The following ZCCHC14 variants were observed in gnomAD, a reference collection of about 807,000 sequenced individuals.
ZCCHC14 encodes zinc finger CCHC domain-containing protein 14.
Under a neutral mutation model 85.0 loss-of-function variants are expected in ZCCHC14, and 16 were observed. The ratio of observed to expected loss-of-function variants is 0.19; its 90% CI spans 0.13 to 0.29. ZCCHC14 has a LOEUF of 0.29. ZCCHC14 is among the 10% of genes least tolerant of loss of function. ZCCHC14 has a pLI of 1.00. For synonymous variants in ZCCHC14, 775 were observed against 630.7 expected (o/e 1.23, Z -3.43); for missense variants, 1,303 against 1,443.5 (o/e 0.90, Z 1.58).
At chr16:87,436,823 A>C (rs1356080229) in intron 2 of ZCCHC14, among the ~76,000 whole-genome samples, 2 of 152,260 alleles carry the variant, frequency 1.3e-5, no homozygotes, top group African/African-American at 2.4e-5. Context: ...GAAAACACTA[A>C]AACTAAACGA....
chr16:87,474,172 C>G (rs548052340), intron 1 of ZCCHC14: 1 of 152,532 alleles, frequency 6.6e-6, no homozygotes, highest in South Asian at 2.1e-4. Flanking sequence ...GAAGCCTAGC[C>G]CAGGCCTGCT....
At chr16:87,436,332 G>T (rs889683146) in intron 2 of ZCCHC14, among the ~76,000 whole-genome samples, 6 of 152,252 alleles carry the variant, frequency 3.9e-5, no homozygotes, top group Non-Finnish European at 7.3e-5. Flanking sequence ...CCCCCGCCAG[G>T]GCACCTCCGG....
At chr16:87,431,129 C>T (rs1439229243) in intron 3 of ZCCHC14, among the ~76,000 whole-genome samples, 1 of 147,174 alleles carries the variant, frequency 6.8e-6, no homozygotes, top group Non-Finnish European at 1.5e-5. Flanking sequence ...CAGAGCAAGA[C>T]AGTGTCAAAA....
intron 2 of ZCCHC14, among the ~76,000 whole-genome samples, chr16:87,447,186 G>T (rs577037889): frequency 2.1e-4 from 32 of 151,946 alleles, no homozygotes; most frequent in Admixed American, 1.2e-3. Context: ...AAAGATGGCG[G>T]AAGAAACAGA....
In ZCCHC14 at chr16:87,423,698, G is replaced by A. The variant is rs974800369; in HGVS notation, c.840+112C>T. The A allele has an allele frequency of 2.0e-5, 24 of 1,230,036 alleles. No homozygotes were observed. The Admixed American group carries it at 2.0e-4, about 10-fold the overall frequency. The allele number at this position is 1,230,036 out of a possible 1,614,324, so 76.2% of individuals were successfully genotyped here. On this transcript the variant is annotated intron_variant, in intron 4 of 12. Coordinates refer to ENST00000671377, the MANE Select transcript of ZCCHC14 (RefSeq NM_015144.3). ...GGCTGGGCAGGAGGCCCCGCCCTGC[G>A]CACGCTCACTCGCTAGCTGAAGGGA...
intron 3 of ZCCHC14, among the ~76,000 whole-genome samples, chr16:87,431,525 G>A (rs370533321): frequency 1.3e-5 from 2 of 151,614 alleles, no homozygotes; most frequent in Admixed American, 6.6e-5. Context: ...CAAAGCTATG[G>A]CCGGTCAGGT....
intron 2 of ZCCHC14, among the ~76,000 whole-genome samples, chr16:87,449,420 G>C (rs79178356): frequency 5.9e-5 from 9 of 151,966 alleles, no homozygotes; most frequent in Non-Finnish European, 1.0e-4. Context: ...TGGGCTCCTA[G>C]GCCCTCCATC....
chr16:87,441,181 A>G (rs1036283867), intron 2 of ZCCHC14, among the ~76,000 whole-genome samples: 1 of 151,678 alleles, frequency 6.6e-6, no homozygotes, highest in Non-Finnish European at 1.5e-5. Flanking sequence ...TTTAGTAGAC[A>G]CTGGGTTTCA....
intron 2 of ZCCHC14, among the ~76,000 whole-genome samples, chr16:87,444,331 G>C (rs1910330736): frequency 6.6e-6 from 1 of 152,146 alleles, no homozygotes; most frequent in African/African-American, 2.4e-5. Context: ...CAAAACATCA[G>C]TTTTCAGGGG....
At chr16:87,456,448 G>T (rs924588006) in intron 2 of ZCCHC14, among the ~76,000 whole-genome samples, 1 of 144,706 alleles carries the variant, frequency 6.9e-6, no homozygotes, top group Middle Eastern at 3.6e-3. Flanking sequence ...CAAGAGAATG[G>T]CGTGAACCCG....
At chr16:87,433,618 T>C (rs1909769633) in intron 2 of ZCCHC14, among the ~76,000 whole-genome samples, 1 of 152,210 alleles carries the variant, frequency 6.6e-6, no homozygotes, top group Non-Finnish European at 1.5e-5. Context: ...TAAGACAATA[T>C]TTCCCCAAGA....
Position 87,492,067 on chromosome 16 carries a change from A to C in ZCCHC14, c.172T>G (p.Ser58Ala). 1 of 1,395,716 alleles carries C rather than the reference A, an allele frequency of 7.2e-7. No individual in the cohort carries two copies. The highest frequency in any genetic ancestry group is 1.6e-5 in the South Asian group (1 of 63,530). 86.5% of individuals were successfully genotyped at this position (1,395,716 alleles called of 1,614,324 possible). The part of the protein sequence containing the change: ...LEDLARKDYH[S>A]LRDSEIKANN... ...GCCTTGATCTCCGAGTCGCGCAGCGAGTGGTAGTCCTTGCGGGCCAGGTCC... is the reference window on the plus strand; with the variant it reads ...GCCTTGATCTCCGAGTCGCGCAGCGCGTGGTAGTCCTTGCGGGCCAGGTCC... Residue 58 changes from serine to alanine, a missense_variant, in exon 1 of 13, where the codon TCG (serine) becomes GCG (alanine). Around this residue, in one of 7 missense-constraint regions of ZCCHC14, gnomAD observed 29 missense variants for 76.8 expected, o/e 0.38. Coordinates refer to ENST00000671377, the MANE Select transcript of ZCCHC14 (RefSeq NM_015144.3). This position sits in a 1 kb window ranked among gnomAD's most constrained non-coding sequence, Gnocchi z 6.7.
At chr16:87,433,527 C>G (rs557078712) in intron 2 of ZCCHC14, among the ~76,000 whole-genome samples, 1 of 152,324 alleles carries the variant, frequency 6.6e-6, no homozygotes, top group African/African-American at 2.4e-5. Context: ...TGTGCAGCCT[C>G]CCGGGTTCAC....
chr16:87,443,629 C>T (rs192302400), intron 2 of ZCCHC14, among the ~76,000 whole-genome samples: 1 of 152,016 alleles, frequency 6.6e-6, no homozygotes, highest in Non-Finnish European at 1.5e-5. Context: ...CCCAGCTACT[C>T]GGGAGGCCAA....
rs1347337959 is a variant in ZCCHC14, at chr16:87,417,699, C to T, written c.1144G>A (p.Ala382Thr). 1.9e-6 allele frequency: 3 copies of T among 1,608,328 alleles called. No homozygotes were observed. Among genetic ancestry groups the T allele is most frequent in the East Asian group, 2.2e-5 (1 of 44,802 alleles). Reference protein sequence around the residue: ...VAGIPSSQSGAQHHGQHPAGS... With the variant: ...VAGIPSSQSGTQHHGQHPAGS... ...GCCGGGTGCTGCCCGTGGTGCTGGG[C>T]TCCGCTCTGCGAGGACGGGATACCA... The change falls in exon 8 of 13, where the codon GCC becomes ACC. Residue 382 changes from alanine (A) to threonine (T), a missense_variant. Coordinates refer to ENST00000671377, the MANE Select transcript of ZCCHC14 (RefSeq NM_015144.3).
intron 9 of ZCCHC14, 116 bp from the exon 10 acceptor site, chr16:87,414,657 C>T (rs866748922): frequency 2.9e-6 from 4 of 1,383,738 alleles, no homozygotes; most frequent in Non-Finnish European, 3.9e-6. Context: ...AGGGCGACTT[C>T]GAGATGGGTC....
At chr16:87,418,076 C>T (rs535098631) in intron 7 of ZCCHC14, 105 of 331,696 alleles carry the variant, frequency 3.2e-4, no homozygotes, top group Non-Finnish European at 4.9e-4. Flanking sequence ...CGTCTCTGTC[C>T]CCACCAGACT....
intron 2 of ZCCHC14, among the ~76,000 whole-genome samples, chr16:87,433,920 A>G (rs573440714): frequency 6.6e-6 from 1 of 151,692 alleles, no homozygotes; most frequent in Non-Finnish European, 1.5e-5. Context: ...CTGGATTTAC[A>G]GGCGAAAGCC....
intron 3 of ZCCHC14, among the ~76,000 whole-genome samples, chr16:87,424,822 G>T (rs971260163): frequency 6.6e-6 from 1 of 152,284 alleles, no homozygotes; most frequent in East Asian, 1.9e-4. Context: ...TGACAGGGAG[G>T]AGGCCAGGTC....
Sources: gnomAD v4.1 joint callset for allele counts (sites outside exome capture counted in the v4.1 genomes callset) on GRCh38, gnomAD v4.1.1 for gene constraint, gnomAD v4.1.1 regional missense constraint, Gnocchi (gnomAD v3.1) non-coding constraint, MANE v1.5 for transcripts, NCBI Gene and HGNC (gene_info 2026-07-23, HGNC 2026-07-21) for gene names.